The following CDC16 variants were observed in gnomAD, a reference collection of about 807,000 sequenced individuals.
CDC16 encodes the protein cell division cycle protein 16 homolog.
Under a neutral mutation model 87.0 loss-of-function variants are expected in CDC16, and 34 were observed. The observed-to-expected ratio is 0.39, with a 90% CI of 0.30 to 0.52. CDC16 has a LOEUF of 0.52. Among genes scored for constraint, CDC16 ranks in the 20% least tolerant of loss-of-function variants. CDC16 has a pLI of 0.74. For missense variants in CDC16, 653 were observed against 751.9 expected, an observed-to-expected ratio of 0.87 and a Z score of 1.54; for synonymous variants, 263 against 260.6, an observed-to-expected ratio of 1.01 and a Z score of -0.09.
chr13:114,259,227 G>T, intron 13 of CDC16, 108 bp from the exon 14 acceptor site: 1 of 620,308 alleles, frequency 1.6e-6, no homozygotes, highest in Non-Finnish European at 2.8e-6. Flanking sequence ...ATTTCCAGCA[G>T]TTTACCCCAT....
chr13:114,235,969 C>T (rs2081228992), intron 1 of CDC16, among the ~76,000 whole-genome samples: 1 of 152,200 alleles, frequency 6.6e-6, no homozygotes, highest in Non-Finnish European at 1.5e-5. Context: ...GTTGGCATTC[C>T]TCCTGCCTCG....
chr13:114,247,324 G>T, intron 11 of CDC16: 3 of 226,658 alleles, frequency 1.3e-5, no homozygotes, highest in Non-Finnish European at 2.4e-5. Context: ...ATGCCTAGCT[G>T]ATTTAAACAT....
chr13:114,236,358 C>T (rs1360702623), intron 1 of CDC16, among the ~76,000 whole-genome samples: 3 of 152,164 alleles, frequency 2.0e-5, no homozygotes, highest in Non-Finnish European at 4.4e-5. Context: ...TTGCATTTCA[C>T]TTGTATGTTT....
At chr13:114,254,223 C>T (rs2082367016) in intron 12 of CDC16, among the ~76,000 whole-genome samples, 1 of 151,970 alleles carries the variant, frequency 6.6e-6, no homozygotes, top group Non-Finnish European at 1.5e-5. Context: ...ACAGTTAGAT[C>T]CATTTATGTT....
chr13:114,254,091 C>G (rs949599449), intron 12 of CDC16, among the ~76,000 whole-genome samples: 24 of 151,970 alleles, frequency 1.6e-4, no homozygotes, highest in African/African-American at 5.8e-4. Context: ...AAGTCTGTTT[C>G]ATCTGATGTT....
intron 16 of CDC16, among the ~76,000 whole-genome samples, chr13:114,263,700 C>G (rs555465112): frequency 1.3e-5 from 2 of 152,352 alleles, no homozygotes; most frequent in African/African-American, 2.4e-5. Context: ...CAGTTCCTGA[C>G]TCTGGGTTTC....
chr13:114,246,137 G>A, intron 10 of CDC16, 88 bp downstream of exon 10: 2 of 593,050 alleles, frequency 3.4e-6, no homozygotes, highest in South Asian at 4.5e-5. Flanking sequence ...AATAGCTTAA[G>A]TTCAAGCAAA....
At chr13:114,249,811 T>C (rs894525163) in intron 11 of CDC16, among the ~76,000 whole-genome samples, 4 of 152,198 alleles carry the variant, frequency 2.6e-5, no homozygotes, top group African/African-American at 7.2e-5. Flanking sequence ...TTAAGTAATA[T>C]CTGTAAGTTC....
rs201328050 is a variant in CDC16, at chr13:114,234,974, G to GGGC, written c.-98_-96dup. ...TCGAGTCCGCGGCCTTCGAGTCCTG[G>GGGC]GGCGGCGGCGGCGGCTGCAGGCACG... On this transcript the variant is annotated 5_prime_UTR_variant, in exon 1 of 18. Transcript: ENST00000356221. The GGGC allele has an allele frequency of 6.5e-4, 503 of 778,332 alleles. 5 individuals carry two copies. Among genetic ancestry groups the GGGC allele is most frequent in the African/African-American group, 5.4e-3 (280 of 52,218 alleles). The allele number at this position is 778,332 out of a possible 1,614,324, so 48.2% of individuals were successfully genotyped here.
intron 14 of CDC16, among the ~76,000 whole-genome samples, chr13:114,260,179 T>C (rs2082751005): frequency 6.6e-6 from 1 of 152,234 alleles, no homozygotes; most frequent in Admixed American, 6.5e-5. Context: ...CTCTCTGCTG[T>C]TACAGACACA....
chr13:114,244,837 G>A (rs2081763426), intron 8 of CDC16, 53 bp from the exon 9 acceptor site: 4 of 1,101,616 alleles, frequency 3.6e-6, no homozygotes, highest in Non-Finnish European at 5.6e-6. Context: ...CGATCGTCGT[G>A]AGTGCTGTCA....
intron 14 of CDC16, among the ~76,000 whole-genome samples, chr13:114,260,423 C>A (rs17338214): frequency 0.017 from 2,659 of 152,284 alleles, 69 homozygotes; most frequent in African/African-American, 0.06. Context: ...CTGCCTTATG[C>A]CCCAGACGGG....
At chr13:114,253,106 T>G in intron 12 of CDC16, among the ~76,000 whole-genome samples, 1 of 152,160 alleles carries the variant, frequency 6.6e-6, no homozygotes, top group East Asian at 1.9e-4. Context: ...CTCAAAAACC[T>G]CATGATAGCT....
intron 3 of CDC16, among the ~76,000 whole-genome samples, chr13:114,238,376 A>G (rs1047149426): frequency 6.8e-6 from 1 of 146,286 alleles, no homozygotes; most frequent in African/African-American, 2.6e-5. Flanking sequence ...ATTCACACTC[A>G]GTGCCTGAAG....
chr13:114,250,811 T>C, intron 12 of CDC16, 137 bp downstream of exon 12: 1 of 855,768 alleles, frequency 1.2e-6, no homozygotes, highest in Non-Finnish European at 1.8e-6. Context: ...TAGTTGCTTG[T>C]GATTGTAAAA....
chr13:114,249,423 C>G (rs1373763561), intron 11 of CDC16, among the ~76,000 whole-genome samples: 2 of 152,026 alleles, frequency 1.3e-5, no homozygotes, highest in Non-Finnish European at 2.9e-5. Context: ...CGCCTGGTTC[C>G]TAATAGGCCA....
chr13:114,272,485 A>C lies in CDC16; in HGVS notation c.*42A>C, dbSNP rs1294854212. 11 of 1,573,660 alleles carry C rather than the reference A, an allele frequency of 7.0e-6. No homozygotes were observed. Among genetic ancestry groups the C allele is most frequent in the Non-Finnish European group, 9.5e-6 (11 of 1,152,466 alleles). On this transcript the variant is annotated 3_prime_UTR_variant, in exon 18 of 18. Coordinates refer to ENST00000356221, the MANE Select transcript of CDC16 (RefSeq NM_001078645.3). Reference sequence around the variant, plus strand: ...TGGTCCCACTGTCCCAGTGTAGGTTAGTATTCCTTCACATCCTCTCCATGG... The same window carrying C: ...TGGTCCCACTGTCCCAGTGTAGGTTCGTATTCCTTCACATCCTCTCCATGG...
chr13:114,267,209 C>T (rs1382233023), intron 17 of CDC16, among the ~76,000 whole-genome samples: 4 of 151,792 alleles, frequency 2.6e-5, no homozygotes, highest in Non-Finnish European at 5.9e-5. Context: ...CTATCTAGGC[C>T]GGGCGTGGTG....
chr13:114,247,524 G>GAA (rs546374477), intron 11 of CDC16, among the ~76,000 whole-genome samples: 2 of 147,606 alleles, frequency 1.4e-5, no homozygotes, highest in Non-Finnish European at 3.0e-5. Flanking sequence ...GGGAGAGAGA[G>GAA]AAAAAAAAAA....
Sources: allele counts gnomAD v4.1 joint callset (sites outside exome capture counted in the v4.1 genomes callset), GRCh38; gene constraint gnomAD v4.1.1; transcripts MANE v1.5; gene names NCBI Gene and HGNC (gene_info 2026-07-23, HGNC 2026-07-21).